GDAP1: variants seen among roughly 807,000 people sequenced by gnomAD.
GDAP1 encodes ganglioside-induced differentiation-associated protein 1.
In GDAP1, 34 loss-of-function variants were observed where a neutral mutation model predicts 40.1. The ratio of observed to expected loss-of-function variants is 0.85; its 90% CI spans 0.64 to 1.13. GDAP1 has a LOEUF of 1.13. Among genes scored for constraint, GDAP1 ranks in the 50% most tolerant of loss-of-function variants. The probability of loss-of-function intolerance (pLI) is 0.00; values close to 1 mark genes in which losing one functional copy is unlikely to be tolerated. For missense variants in GDAP1, 374 were observed against 433.7 expected, an observed-to-expected ratio of 0.86 and a Z score of 1.22; for synonymous variants, 170 against 157.4, an observed-to-expected ratio of 1.08 and a Z score of -0.60.
At chr8:74,425,072 G>A (rs974405506) in intron 2 of GDAP1, among the ~76,000 whole-genome samples, 20 of 152,248 alleles carry the variant, frequency 1.3e-4, no homozygotes, top group Middle Eastern at 3.4e-3. Flanking sequence ...TTCATCAGCA[G>A]GTCAAATAGG....
chr8:74,386,328 T>C (rs1192710800), intron 2 of GDAP1, among the ~76,000 whole-genome samples: 3 of 152,214 alleles, frequency 2.0e-5, no homozygotes, highest in Non-Finnish European at 4.4e-5. Context: ...TTAGGTCTTA[T>C]GTTTAAGTCC....
At position 74,450,648 on chromosome 8, in the gene GDAP1, T is replaced by G. The variant is rs1183311226; in HGVS notation, c.166-38030T>G. Reference sequence around the variant, plus strand: ...ATTTGCCTGGAATATTCTTTCCATCTTTTTATGTTTTACTTATGTGATTTT... The same window carrying G: ...ATTTGCCTGGAATATTCTTTCCATCGTTTTATGTTTTACTTATGTGATTTT... On this transcript the variant is annotated intron_variant, in intron 2 of 2. Transcript: ENST00000523640. 2.3e-5 allele frequency among the ~76,000 whole-genome samples: 2 copies of G among 86,446 alleles called. 1 individual carries two copies. Among genetic ancestry groups the G allele is most frequent in the Non-Finnish European group, 4.8e-5 (2 of 41,706 alleles). 56.7% of individuals were successfully genotyped at this position (86,446 alleles called of 152,430 possible). A position where few individuals can be genotyped will look rare whatever the true frequency, so the allele number is the denominator to read the frequency against.
At position 74,364,335 on chromosome 8, in the gene GDAP1, T is replaced by C. The variant is rs368943246; in HGVS notation, c.1045T>C (p.Leu349=). Residue 349 remains leucine (L), a synonymous_variant, in exon 6 of 6, where the codon TTA becomes CTA. Coordinates refer to ENST00000220822, the MANE Select transcript of GDAP1 (RefSeq NM_018972.4). ...CAGAAAGAGGCTTGGCAGCATGATA[T>C]TAGCATTTAGACCCAGACCAAATTA... ...LFRKRLGSMI[L]AFRPRPNYF 4.3e-5 allele frequency: 69 copies of C among 1,613,944 alleles called. 1 individual carries two copies. Among genetic ancestry groups the C allele is most frequent in the East Asian group, 2.7e-4 (12 of 44,892 alleles).
At chr8:74,428,464 G>GTT (rs143872000) in intron 2 of GDAP1, among the ~76,000 whole-genome samples, 1 of 148,698 alleles carries the variant, frequency 6.7e-6, no homozygotes, top group Admixed American at 6.7e-5. Context: ...TTTCTTGATT[G>GTT]TTTTGTTTTT....
intron 2 of GDAP1, among the ~76,000 whole-genome samples, chr8:74,395,350 G>A (rs894047353): frequency 6.6e-6 from 1 of 152,110 alleles, no homozygotes; most frequent in African/African-American, 2.4e-5. Context: ...ATGTGTCAGA[G>A]GTGGATATTA....
At chr8:74,383,790 C>T (rs1406441353) in intron 2 of GDAP1, among the ~76,000 whole-genome samples, 2 of 152,038 alleles carry the variant, frequency 1.3e-5, no homozygotes, top group African/African-American at 2.4e-5. Context: ...CACCTATTGC[C>T]GATTCACTTC....
At chr8:74,353,552 G>C (rs976345389) in intron 2 of GDAP1, among the ~76,000 whole-genome samples, 1 of 152,126 alleles carries the variant, frequency 6.6e-6, no homozygotes, top group Non-Finnish European at 1.5e-5. Flanking sequence ...AGAACTCATG[G>C]AGAATGAAAG....
At chr8:74,433,290 A>G (rs1806049773) in intron 2 of GDAP1, among the ~76,000 whole-genome samples, 1 of 152,136 alleles carries the variant, frequency 6.6e-6, no homozygotes, top group Non-Finnish European at 1.5e-5. Context: ...TTACTCCTTG[A>G]ATGTCTGTTT....
intron 2 of GDAP1, among the ~76,000 whole-genome samples, chr8:74,357,507 A>T (rs1586800833): frequency 6.6e-6 from 1 of 151,906 alleles, no homozygotes; most frequent in Non-Finnish European, 1.5e-5. Flanking sequence ...TTCTGATTTT[A>T]TTTTTTGCTT....
chr8:74,432,165 T>C (rs1806035725), intron 2 of GDAP1, among the ~76,000 whole-genome samples: 2 of 152,110 alleles, frequency 1.3e-5, no homozygotes, highest in African/African-American at 4.8e-5. Context: ...CATTTTTCCT[T>C]TGGAGGGTGC....
intron 2 of GDAP1, among the ~76,000 whole-genome samples, chr8:74,382,831 A>G (rs997461497): frequency 1.3e-5 from 2 of 151,964 alleles, no homozygotes; most frequent in Non-Finnish European, 2.9e-5. Flanking sequence ...TCAGGTGGAT[A>G]ATTTTTGGAT....
chr8:74,480,137 T>C (rs1442878599), intron 2 of GDAP1, among the ~76,000 whole-genome samples: 1 of 151,964 alleles, frequency 6.6e-6, no homozygotes, highest in Non-Finnish European at 1.5e-5. Context: ...TATAGGCGCA[T>C]GCCACCACAC....
intron 2 of GDAP1, among the ~76,000 whole-genome samples, chr8:74,443,347 T>C (rs1806185018): frequency 6.6e-6 from 1 of 152,192 alleles, no homozygotes; most frequent in Non-Finnish European, 1.5e-5. Context: ...TAAGGAACTG[T>C]CATTTCTTGA....
At chr8:74,359,986 GAAT>G in intron 2 of GDAP1, 148 bp from the exon 3 acceptor site, 481 of 2,238 alleles carry the variant, frequency 0.21, 236 homozygotes, top group Middle Eastern at 0.33. Flanking sequence ...TTCAAACTTT[GAAT>G]GAATGTCTGA....
chr8:74,437,788 A>C (rs932644595), intron 2 of GDAP1, among the ~76,000 whole-genome samples: 3 of 152,234 alleles, frequency 2.0e-5, no homozygotes, highest in African/African-American at 7.2e-5. Flanking sequence ...AGATTTAAGC[A>C]CATGGTACGT....
At position 74,396,277 on chromosome 8, in the gene GDAP1, T is replaced by C. The variant is rs1369549616; in HGVS notation, c.165+44956T>C. ...AATTTATTGGTTTCCACAATTCCAATGTCATATTATTTTATAAAAATAAAA... is the reference window on the plus strand; with the variant it reads ...AATTTATTGGTTTCCACAATTCCAACGTCATATTATTTTATAAAAATAAAA... On this transcript the variant is annotated intron_variant, in intron 2 of 2. Transcript: ENST00000523640. Among the ~76,000 whole-genome samples the C allele has an allele frequency of 3.3e-5, 5 of 152,054 alleles. No homozygotes were observed. In the East Asian group the frequency reaches 9.6e-4, roughly 29 times the overall value.
At chr8:74,356,659 A>AGTGTGTGTGT (rs144717682) in intron 2 of GDAP1, among the ~76,000 whole-genome samples, 1,516 of 122,938 alleles carry the variant, frequency 0.012, 24 homozygotes, top group East Asian at 0.1. Flanking sequence ...AATATTATTT[A>AGTGTGTGTGT]GTGTGTGTGT....
At chr8:74,411,293 G>A (rs1015838383) in intron 2 of GDAP1, among the ~76,000 whole-genome samples, 3 of 149,666 alleles carry the variant, frequency 2.0e-5, no homozygotes, top group Non-Finnish European at 2.9e-5. Context: ...CCTATGAGTG[G>A]TATCCTTAGA....
intron 2 of GDAP1, among the ~76,000 whole-genome samples, chr8:74,431,654 TG>T (rs1310912243): frequency 2.0e-5 from 3 of 152,032 alleles, no homozygotes; most frequent in Non-Finnish European, 1.5e-5. Flanking sequence ...GCTAATTTTT[TG>T]TATTTTTAGT....
Sources: allele counts gnomAD v4.1 joint callset (sites outside exome capture counted in the v4.1 genomes callset), GRCh38; gene constraint gnomAD v4.1.1; transcripts MANE v1.5; gene names NCBI Gene and HGNC (gene_info 2026-07-23, HGNC 2026-07-21).